The following DLEC1 variants were observed in gnomAD, a reference collection of about 807,000 sequenced individuals.
DLEC1 encodes the protein DLEC1 cilia and flagella associated protein, also known as deleted in lung and esophageal cancer protein 1.
A neutral mutation model predicts 198.1 loss-of-function variants in DLEC1; 146 were observed. The observed-to-expected ratio is 0.74, with a 90% confidence interval of 0.64 to 0.85. DLEC1 has a LOEUF of 0.85. Ranked by LOEUF, DLEC1 falls within the 40% of genes least tolerant of loss-of-function variation. DLEC1 has a pLI of 0.00. For synonymous variants in DLEC1, 897 were observed against 866.8 expected, an observed-to-expected ratio of 1.03 and a Z score of -0.61; for missense variants, 2,233 against 2,220.0, an observed-to-expected ratio of 1.01 and a Z score of -0.12.
chr3:38,046,806 G>A (rs963708975), intron 2 of DLEC1, among the ~76,000 whole-genome samples: 1 of 152,006 alleles, frequency 6.6e-6, no homozygotes, highest in Non-Finnish European at 1.5e-5. Flanking sequence ...CCAGGATCCT[G>A]TCCAGGAAGT....
At chr3:38,100,177 A>C in intron 18 of DLEC1, 109 bp from the exon 19 acceptor site, 10 of 1,372,604 alleles carry the variant, frequency 7.3e-6, no homozygotes, top group African/African-American at 1.5e-5. Flanking sequence ...GGCTCTTGGA[A>C]GAGCTGGGGC....
chr3:38,052,097 T>C, intron 2 of DLEC1: 1 of 302,688 alleles, frequency 3.3e-6, no homozygotes. Flanking sequence ...AACCATTGAC[T>C]AAGCAGCATG....
intron 6 of DLEC1, among the ~76,000 whole-genome samples, chr3:38,082,164 C>T (rs1316871097): frequency 4.0e-4 from 58 of 146,470 alleles, no homozygotes; most frequent in South Asian, 2.4e-3. Context: ...GATGGGGCGG[C>T]GGGGCAGAGG....
rs1456535810 is a variant in DLEC1 at position 38,039,619 on chromosome 3, G to A, written c.394G>A (p.Val132Met). The change falls in exon 1 of 37, where the codon GTG (valine) becomes ATG (methionine). Residue 132 changes from valine (V) to methionine (M), a missense_variant. Coordinates refer to ENST00000308059, the MANE Select transcript of DLEC1 (RefSeq NM_007335.4). ...GSENERHEEF[V>M]DQLQQIRELY... ...CGAGAATGAGCGCCACGAGGAGTTC[G>A]TGGACCAGCTGCAGCAGGTAACGTG... 1.2e-6 allele frequency: 2 copies of A among 1,605,624 alleles called. No individual in the cohort carries two copies. Among genetic ancestry groups the A allele is most frequent in the South Asian group, 1.1e-5 (1 of 90,786 alleles).
In DLEC1 at chr3:38,045,409, C is replaced by G. The variant is rs919217880; in HGVS notation, c.412-134C>G. 1.0e-5 allele frequency: 13 copies of G among 1,240,344 alleles called. No individual in the cohort carries two copies. The African/African-American group carries it at 2.0e-4, about 19-fold the overall frequency. The allele number at this position is 1,240,344 out of a possible 1,614,324, so 76.8% of individuals were successfully genotyped here. ...CAGTTTTCAGATCTAGTAGTTCAGA[C>G]CAGATGGTTGGAATAGTTCTCTGAC... On this transcript the variant is annotated intron_variant, in intron 1 of 36. Coordinates refer to ENST00000308059, the MANE Select transcript of DLEC1 (RefSeq NM_007335.4).
chr3:38,045,428 C>A, intron 1 of DLEC1, 115 bp from the exon 2 acceptor site: 1 of 1,339,750 alleles, frequency 7.5e-7, no homozygotes, highest in Non-Finnish European at 1.0e-6. Context: ...TGGAATAGTT[C>A]TCTGACTATT....
In DLEC1 at chr3:38,113,282, C is replaced by T. The variant is rs1699982246; in HGVS notation, c.3666+921C>T. Among the ~76,000 whole-genome samples the T allele has an allele frequency of 2.0e-5, 3 of 152,298 alleles. 1 individual carries two copies. In the South Asian group the frequency reaches 6.2e-4, roughly 32 times the overall value. On this transcript the variant is annotated intron_variant, in intron 25 of 36. Coordinates refer to ENST00000308059, the MANE Select transcript of DLEC1 (RefSeq NM_007335.4). ...ATACAGGGGAAAGGGTGCTTTGAGC[C>T]CCCTTCTCCACGTCTGTCAGTAGAG... is the stretch of plus-strand genomic sequence containing the variant.
Position 38,123,186 on chromosome 3 carries a change from GACCCA to G in DLEC1, c.*775_*779del. 6.8e-7 allele frequency: 1 copy of G among 1,480,328 alleles called. No homozygotes were observed. Among genetic ancestry groups the G allele is most frequent in the Non-Finnish European group, 9.4e-7 (1 of 1,059,556 alleles). The allele number at this position is 1,480,328 out of a possible 1,614,324, so 91.7% of individuals were successfully genotyped here. ...CACCAAATTACCTCCAGACCAGGCT[GACCCA>G]GAAGGACGTCATGGACAAGTAGGAT... On this transcript the variant is annotated 3_prime_UTR_variant, in exon 37 of 37. Transcript: ENST00000308059.
intron 22 of DLEC1, 28 bp downstream of exon 22, chr3:38,109,590 T>C (rs1699754831): frequency 6.2e-7 from 1 of 1,613,466 alleles, no homozygotes; most frequent in Non-Finnish European, 8.5e-7. Flanking sequence ...GGTCTGGGGG[T>C]GGCAGTGGAC....
chr3:38,107,819 A>G (rs1699648335), intron 20 of DLEC1, 82 bp downstream of exon 20: 1 of 1,474,520 alleles, frequency 6.8e-7, no homozygotes, highest in South Asian at 1.2e-5. Flanking sequence ...TGTCCCCCAA[A>G]TATCCTCACA....
intron 23 of DLEC1, 140 bp from the exon 24 acceptor site, chr3:38,111,537 A>G (rs989563671): frequency 4.1e-6 from 3 of 725,434 alleles, no homozygotes; most frequent in Non-Finnish European, 6.5e-6. Context: ...AGAACTGACC[A>G]GCTCTCCCCT....
intron 6 of DLEC1, among the ~76,000 whole-genome samples, chr3:38,073,580 T>C (rs1697442834): frequency 6.6e-6 from 1 of 151,846 alleles, no homozygotes; most frequent in Non-Finnish European, 1.5e-5. Flanking sequence ...GGCAATGAGA[T>C]GCGGCTATAG....
chr3:38,051,450 T>C (rs1184624632), intron 2 of DLEC1, among the ~76,000 whole-genome samples: 1 of 152,124 alleles, frequency 6.6e-6, no homozygotes, highest in Non-Finnish European at 1.5e-5. Flanking sequence ...TTCTCCCAAG[T>C]CAATGGGGCC....
At chr3:38,101,441 GATA>G (rs1699301359) in intron 19 of DLEC1, among the ~76,000 whole-genome samples, 2 of 152,132 alleles carry the variant, frequency 1.3e-5, no homozygotes, top group South Asian at 2.1e-4. Flanking sequence ...GCTGGCTGGT[GATA>G]ATATTTTGTT....
intron 1 of DLEC1, among the ~76,000 whole-genome samples, 161 bp from the exon 2 acceptor site, chr3:38,045,382 C>T (rs1333625531): frequency 6.6e-6 from 1 of 152,130 alleles, no homozygotes; most frequent in Non-Finnish European, 1.5e-5. Flanking sequence ...CTCTATGGGT[C>T]TCAGTTTTCA....
At chr3:38,085,179 C>T (rs1043092477) in intron 7 of DLEC1, 95 bp from the exon 8 acceptor site, 57 of 1,404,304 alleles carry the variant, frequency 4.1e-5, no homozygotes, top group Non-Finnish European at 5.4e-5. Context: ...CTTACAGAGC[C>T]AGCCCTGGCA....
intron 6 of DLEC1, among the ~76,000 whole-genome samples, chr3:38,079,694 T>C (rs1395741815): frequency 6.6e-6 from 1 of 152,046 alleles, no homozygotes. Context: ...AAATCCCGGG[T>C]TGCAGGCATT....
Position 38,039,543 on chromosome 3 carries a change from C to T in DLEC1, c.318C>T (p.Ala106=), listed in dbSNP as rs1472855387. 5.0e-6 allele frequency: 8 copies of T among 1,614,006 alleles called. No individual in the cohort carries two copies. The highest frequency in any genetic ancestry group is 6.8e-6 in the Non-Finnish European group (8 of 1,179,936). Residue 106 remains alanine, a synonymous_variant, in exon 1 of 37, where the codon GCC becomes GCT. Coordinates refer to ENST00000308059, the MANE Select transcript of DLEC1 (RefSeq NM_007335.4). Reference sequence around the variant, plus strand: ...GCGTCTTCCGCAACTTGTACTCAGCCGAGGTCATCGGCGACGAAGTGAGCG... The same window carrying T: ...GCGTCTTCCGCAACTTGTACTCAGCTGAGGTCATCGGCGACGAAGTGAGCG... ...LTGVFRNLYS[A]EVIGDEVSAS... is the part of the protein sequence containing the mutation.
chr3:38,060,874 A>C (rs1022651224), intron 3 of DLEC1, among the ~76,000 whole-genome samples: 1 of 151,712 alleles, frequency 6.6e-6, no homozygotes, highest in Non-Finnish European at 1.5e-5. Context: ...TTGTATTTTT[A>C]GTAGAGAGGG....
Sources: gnomAD v4.1 joint callset for allele counts (sites outside exome capture counted in the v4.1 genomes callset) on GRCh38, gnomAD v4.1.1 for gene constraint, MANE v1.5 for transcripts, NCBI Gene and HGNC (gene_info 2026-07-23, HGNC 2026-07-21) for gene names.